The following PEAK1 variants were observed in gnomAD, a reference collection of about 807,000 sequenced individuals.
PEAK1 encodes the protein pseudopodium enriched atypical kinase 1, also known as inactive tyrosine-protein kinase PEAK1.
In PEAK1, 54 loss-of-function variants were observed where a neutral mutation model predicts 124.7. The observed-to-expected ratio is 0.43, with a 90% CI of 0.35 to 0.54. The LOEUF is 0.54. Among genes scored for constraint, PEAK1 ranks in the 20% least tolerant of loss-of-function variants. PEAK1 has a pLI of 0.01. For missense variants in PEAK1, 2,046 were observed against 2,134.5 expected (o/e 0.96, Z 0.82); for synonymous variants, 719 against 760.0 (o/e 0.95, Z 0.89).
chr15:77,367,333 T>G (rs2068319901), intron 1 of PEAK1, among the ~76,000 whole-genome samples: 1 of 152,106 alleles, frequency 6.6e-6, no homozygotes, highest in Non-Finnish European at 1.5e-5. Flanking sequence ...CTAACTAATC[T>G]CCACTGACAG....
intron 1 of PEAK1, among the ~76,000 whole-genome samples, chr15:77,407,872 G>A (rs964834775): frequency 2.8e-5 from 4 of 144,636 alleles, no homozygotes; most frequent in Non-Finnish European, 6.0e-5. Flanking sequence ...TGCCCGAGTA[G>A]ATAAAGCATG....
chr15:77,278,578 G>T, intron 5 of PEAK1: 1 of 502,354 alleles, frequency 2.0e-6, no homozygotes, highest in South Asian at 1.5e-5. Flanking sequence ...CAAAGCCAGA[G>T]ACCAAGCCTA....
At chr15:77,169,782 G>T (rs1458475510) in intron 7 of PEAK1, among the ~76,000 whole-genome samples, 1 of 152,198 alleles carries the variant, frequency 6.6e-6, no homozygotes. Flanking sequence ...CAACATTTTG[G>T]ATGTTGGGGG....
At chr15:77,281,750 G>A (rs1265758655) in intron 5 of PEAK1, among the ~76,000 whole-genome samples, 1 of 151,946 alleles carries the variant, frequency 6.6e-6, no homozygotes, top group African/African-American at 2.4e-5. Context: ...AAATAAACGT[G>A]GCATACATAA....
chr15:77,257,841 T>C (rs534789328), intron 5 of PEAK1, among the ~76,000 whole-genome samples: 1 of 152,248 alleles, frequency 6.6e-6, no homozygotes, highest in Non-Finnish European at 1.5e-5. Flanking sequence ...GGTTTTCTTC[T>C]AGGGTTTTTA....
At chr15:77,408,939 C>G (rs1325131428) in intron 1 of PEAK1, among the ~76,000 whole-genome samples, 2 of 152,086 alleles carry the variant, frequency 1.3e-5, no homozygotes, top group Non-Finnish European at 2.9e-5. Flanking sequence ...GATGTGGTGG[C>G]ATGCCCCTGT....
intron 9 of PEAK1, among the ~76,000 whole-genome samples, chr15:77,128,251 A>C (rs2052559316): frequency 6.6e-6 from 1 of 152,212 alleles, no homozygotes; most frequent in Non-Finnish European, 1.5e-5. Flanking sequence ...AGTTTGAATT[A>C]AAAGGGACAA....
At chr15:77,349,813 G>A (rs1454322727) in intron 2 of PEAK1, 4 of 985,150 alleles carry the variant, frequency 4.1e-6, no homozygotes, top group African/African-American at 1.7e-5. Context: ...CAGCTGAGGG[G>A]ACAGCCAGGC....
chr15:77,318,490 T>G (rs898094549), intron 2 of PEAK1, among the ~76,000 whole-genome samples: 1 of 151,956 alleles, frequency 6.6e-6, no homozygotes, highest in African/African-American at 2.4e-5. Context: ...GGAAGAAAAA[T>G]ACCACAGAGG....
intron 8 of PEAK1, among the ~76,000 whole-genome samples, chr15:77,153,436 T>C (rs1239462781): frequency 1.3e-5 from 2 of 152,122 alleles, no homozygotes; most frequent in Non-Finnish European, 2.9e-5. Context: ...AAAAAAACAG[T>C]TCCTGGATTC....
intron 6 of PEAK1, among the ~76,000 whole-genome samples, chr15:77,218,221 A>T (rs923558362): frequency 6.6e-6 from 1 of 152,204 alleles, no homozygotes; most frequent in Non-Finnish European, 1.5e-5. Flanking sequence ...ATCATCAAAG[A>T]TGAATATAAT....
intron 2 of PEAK1, among the ~76,000 whole-genome samples, chr15:77,342,665 T>TTC (rs2066618512): frequency 6.6e-6 from 1 of 152,172 alleles, no homozygotes. Flanking sequence ...CGCCTTGTCC[T>TTC]TCCAAAGTGC....
intron 1 of PEAK1, among the ~76,000 whole-genome samples, chr15:77,400,575 C>T (rs1179167417): frequency 6.6e-6 from 1 of 152,090 alleles, no homozygotes; most frequent in Non-Finnish European, 1.5e-5. Flanking sequence ...ACAAACTTTG[C>T]ATGCTCTCAC....
intron 2 of PEAK1, among the ~76,000 whole-genome samples, chr15:77,340,458 C>G (rs145397809): frequency 6.6e-6 from 1 of 152,030 alleles, no homozygotes; most frequent in Non-Finnish European, 1.5e-5. Flanking sequence ...AAGGGTTCAG[C>G]GGCGAGGAAG....
rs1566984591 is a variant in PEAK1 at position 77,115,121 on chromosome 15, T to C, written c.4276A>G (p.Lys1426Glu). The C allele has an allele frequency of 6.8e-6, 11 of 1,614,080 alleles. No individual in the cohort carries two copies. Among genetic ancestry groups the C allele is most frequent in the Non-Finnish European group, 7.6e-6 (9 of 1,180,040 alleles). The change falls in exon 10 of 10, where the codon AAA becomes GAA. Residue 1426 changes from lysine to glutamate, a missense_variant. Physicochemically the swap from Lys to Glu is moderately conservative, Grantham distance 56. Transcript: ENST00000682557. ...GGGTTTTTCCCATCCGTTTCTCCTT[T>C]GGCGTCTTCTTCAGTCTCTTCCATG... ...DDMEETEEDA[K>E]GETDGKNPKP...
intron 1 of PEAK1, among the ~76,000 whole-genome samples, chr15:77,372,140 G>C (rs992842846): frequency 6.6e-6 from 1 of 152,192 alleles, no homozygotes; most frequent in Non-Finnish European, 1.5e-5. Context: ...ATATCCAATA[G>C]ATGTGTTCCC....
intron 8 of PEAK1, among the ~76,000 whole-genome samples, chr15:77,137,574 G>A (rs1400383962): frequency 6.6e-6 from 1 of 152,206 alleles, no homozygotes; most frequent in Non-Finnish European, 1.5e-5. Context: ...TGTGGGGCCT[G>A]TAGCCCCTTT....
chr15:77,154,158 TC>T (rs1463086929), intron 8 of PEAK1, among the ~76,000 whole-genome samples: 5 of 152,222 alleles, frequency 3.3e-5, no homozygotes, highest in African/African-American at 1.2e-4. Flanking sequence ...GCTTTATGAA[TC>T]TGGGTGCTCC....
rs71143393 is a variant in PEAK1 at position 77,162,493 on chromosome 15, C to CAAAAAA, written c.3138-3803_3138-3798dup. On this transcript the variant is annotated intron_variant, in intron 7 of 9. Transcript: ENST00000682557. Reference sequence around the variant, plus strand: ...CTGGTGACAGAGAAAGACTCCATCTCAAAAAAAAAAAAAAAAAAAAAAAAA... The same window carrying CAAAAAA: ...CTGGTGACAGAGAAAGACTCCATCTCAAAAAAAAAAAAAAAAAAAAAAAAAAAAAAA... Among the ~76,000 whole-genome samples the CAAAAAA allele has an allele frequency of 1.6e-4, 11 of 70,426 alleles. No homozygotes were observed. The East Asian group carries it at 2.0e-3, about 13-fold the overall frequency. 46.2% of individuals were successfully genotyped at this position (70,426 alleles called of 152,430 possible).
Sources: gnomAD v4.1 joint callset for allele counts (sites outside exome capture counted in the v4.1 genomes callset) on GRCh38, gnomAD v4.1.1 for gene constraint, MANE v1.5 for transcripts, NCBI Gene and HGNC (gene_info 2026-07-23, HGNC 2026-07-21) for gene names.